The following CACNG2 variants were observed in gnomAD, a reference collection of about 807,000 sequenced individuals.
The protein encoded by CACNG2 is calcium voltage-gated channel auxiliary subunit gamma 2, also known as voltage-dependent calcium channel gamma-2 subunit.
CACNG2 carries 3 observed loss-of-function variants against 25.9 expected under a neutral mutation model. That is an observed-to-expected ratio of 0.12 (90% confidence interval 0.05 to 0.30). The LOEUF is 0.30. CACNG2 is among the 10% of genes least tolerant of loss of function. CACNG2 has a pLI of 1.00. For synonymous variants in CACNG2, 167 were observed against 173.3 expected, an observed-to-expected ratio of 0.96 and a Z score of 0.29; for missense variants, 341 against 432.5, an observed-to-expected ratio of 0.79 and a Z score of 1.88.
intron 2 of CACNG2, among the ~76,000 whole-genome samples, chr22:36,574,677 G>A (rs1445768444): frequency 1.3e-5 from 2 of 152,220 alleles, no homozygotes; most frequent in Non-Finnish European, 2.9e-5. Flanking sequence ...AGCTACTTGG[G>A]AAGCTGAGGC....
At chr22:36,684,922 C>G (rs541015983) in intron 1 of CACNG2, among the ~76,000 whole-genome samples, 9 of 152,244 alleles carry the variant, frequency 5.9e-5, no homozygotes, top group Admixed American at 4.6e-4. Flanking sequence ...GATCGCGCTG[C>G]CCAATCAATC....
At chr22:36,699,237 T>TCACA (rs3076293) in intron 1 of CACNG2, among the ~76,000 whole-genome samples, 11,108 of 141,774 alleles carry the variant, frequency 0.078, 710 homozygotes, top group African/African-American at 0.18. Flanking sequence ...GATTTCAAGT[T>TCACA]CACACACACA....
At chr22:36,632,793 G>A (rs924434932) in intron 1 of CACNG2, among the ~76,000 whole-genome samples, 1 of 151,960 alleles carries the variant, frequency 6.6e-6, no homozygotes, top group African/African-American at 2.4e-5. Context: ...CCTAACTGGT[G>A]GAGTGCCCAG....
chr22:36,667,686 G>A (rs866652730), intron 1 of CACNG2, among the ~76,000 whole-genome samples: 2 of 152,220 alleles, frequency 1.3e-5, no homozygotes, highest in African/African-American at 4.8e-5. Context: ...GAGACAAAGA[G>A]CCTGGGGAGG....
intron 1 of CACNG2, among the ~76,000 whole-genome samples, chr22:36,628,016 T>C (rs1936209718): frequency 1.3e-5 from 2 of 152,172 alleles, no homozygotes; most frequent in Non-Finnish European, 2.9e-5. Context: ...CCTAATAATA[T>C]ACATATATGT....
chr22:36,567,505 C>T (rs1428585092), intron 2 of CACNG2, among the ~76,000 whole-genome samples: 3 of 151,280 alleles, frequency 2.0e-5, no homozygotes, highest in African/African-American at 7.3e-5. Flanking sequence ...TAAGGACTGA[C>T]AAACAGGACC....
chr22:36,681,747 C>T (rs1490461276), intron 1 of CACNG2, among the ~76,000 whole-genome samples: 2 of 152,166 alleles, frequency 1.3e-5, no homozygotes, highest in Non-Finnish European at 2.9e-5. Flanking sequence ...AATCACTTGA[C>T]TTCTTTTGGC....
At chr22:36,652,792 A>G (rs1182975219) in intron 1 of CACNG2, among the ~76,000 whole-genome samples, 6 of 152,138 alleles carry the variant, frequency 3.9e-5, no homozygotes, top group Non-Finnish European at 8.8e-5. Flanking sequence ...CTGTGGCAAG[A>G]TACCCTGTGA....
intron 1 of CACNG2, among the ~76,000 whole-genome samples, chr22:36,627,217 G>A (rs915740125): frequency 6.6e-6 from 1 of 152,026 alleles, no homozygotes; most frequent in African/African-American, 2.4e-5. Flanking sequence ...GAGTGGGTAG[G>A]GGTGGAGCCT....
intron 2 of CACNG2, 96 bp from the exon 3 acceptor site, chr22:36,566,589 G>A: frequency 7.5e-7 from 1 of 1,325,240 alleles, no homozygotes; most frequent in Non-Finnish European, 1.1e-6. Context: ...AGGCGCTGGG[G>A]GTTTATGGAC....
chr22:36,616,932 A>T (rs1230544786), intron 1 of CACNG2, among the ~76,000 whole-genome samples: 1 of 152,222 alleles, frequency 6.6e-6, no homozygotes, highest in Non-Finnish European at 1.5e-5. Context: ...AATGAATCAG[A>T]GACCATCCCT....
intron 1 of CACNG2, among the ~76,000 whole-genome samples, chr22:36,668,732 G>C (rs900127687): frequency 5.3e-5 from 8 of 152,104 alleles, no homozygotes; most frequent in Non-Finnish European, 8.8e-5. Flanking sequence ...CTGAGCTCAA[G>C]CGATCCACCT....
intron 1 of CACNG2, among the ~76,000 whole-genome samples, chr22:36,678,821 T>G (rs1042231181): frequency 4.6e-5 from 7 of 152,162 alleles, no homozygotes; most frequent in African/African-American, 1.7e-4. Context: ...GCCTCTTCTT[T>G]CCCTGGGTAC....
At chr22:36,588,885 T>C (rs1935544731) in intron 1 of CACNG2, among the ~76,000 whole-genome samples, 1 of 152,180 alleles carries the variant, frequency 6.6e-6, no homozygotes, top group Non-Finnish European at 1.5e-5. Context: ...TTGGCAATGA[T>C]TTTCTTCTAC....
chr22:36,669,940 T>C (rs1455132878), intron 1 of CACNG2, among the ~76,000 whole-genome samples: 1 of 152,176 alleles, frequency 6.6e-6, no homozygotes, highest in Admixed American at 6.5e-5. Flanking sequence ...CTCAAACTCC[T>C]GACCTCAAGA....
intron 2 of CACNG2, among the ~76,000 whole-genome samples, chr22:36,579,234 G>A (rs1393582590): frequency 2.6e-5 from 4 of 151,780 alleles, no homozygotes; most frequent in Non-Finnish European, 4.4e-5. Context: ...GTAAAAACCC[G>A]TCTCTACTAA....
intron 1 of CACNG2, among the ~76,000 whole-genome samples, chr22:36,699,722 C>A (rs1292477566): frequency 6.6e-6 from 1 of 152,090 alleles, no homozygotes; most frequent in Non-Finnish European, 1.5e-5. Context: ...GAACCTCAAG[C>A]ACTGACAACT....
chr22:36,679,182 C>CT (rs1321565368), intron 1 of CACNG2, among the ~76,000 whole-genome samples: 24 of 112,502 alleles, frequency 2.1e-4, no homozygotes, highest in African/African-American at 7.0e-4. Flanking sequence ...TCCTTCCTTC[C>CT]TTCCTTCCTT....
intron 1 of CACNG2, among the ~76,000 whole-genome samples, chr22:36,660,739 G>T (rs1385027849): frequency 6.6e-6 from 1 of 152,200 alleles, no homozygotes; most frequent in Non-Finnish European, 1.5e-5. Context: ...GGGAGGTGTG[G>T]GTTGTTAGAT....
Sources: allele counts gnomAD v4.1 joint callset (sites outside exome capture counted in the v4.1 genomes callset), GRCh38; gene constraint gnomAD v4.1.1; transcripts MANE v1.5; gene names NCBI Gene and HGNC (gene_info 2026-07-23, HGNC 2026-07-21).